ARL17B: variants seen among roughly 807,000 people sequenced by gnomAD.
ARL17B encodes the protein ADP-ribosylation factor-like protein 17.
chr17:46,277,659 T>TTC (rs879370291), intron 4 of ARL17B, among the ~76,000 whole-genome samples: 16,113 of 147,524 alleles, frequency 0.11, 5 homozygotes, highest in Non-Finnish European at 0.17. Context: ...CTTTCTTTTT[T>TTC]TTTTTTTGAG....
At chr17:46,275,698 A>G (rs1185177808) in intron 4 of ARL17B, among the ~76,000 whole-genome samples, 1 of 152,240 alleles carries the variant, frequency 6.6e-6, no homozygotes, top group African/African-American at 2.4e-5. Flanking sequence ...AGGCAACTGG[A>G]CAAATAGAGA....
intron 4 of ARL17B, among the ~76,000 whole-genome samples, chr17:46,278,079 G>A (rs528720009): frequency 7.9e-5 from 12 of 152,252 alleles, no homozygotes; most frequent in Non-Finnish European, 1.6e-4. Flanking sequence ...CAGAGTAGCT[G>A]GGACTTACAG....
At chr17:46,280,170 C>G (rs868049560) in intron 4 of ARL17B, among the ~76,000 whole-genome samples, 8 of 152,120 alleles carry the variant, frequency 5.3e-5, no homozygotes, top group African/African-American at 1.7e-4. Flanking sequence ...TTGAGACCAG[C>G]TTGGCCAACA....
downstream of ARL17B, chr17:46,330,614 G>T: frequency 8.5e-6 from 2 of 235,138 alleles, no homozygotes; most frequent in Non-Finnish European, 1.6e-5. Context: ...CACCAATGAC[G>T]AGAGTGATTT....
intron 3 of ARL17B, among the ~76,000 whole-genome samples, chr17:46,340,104 C>T (rs1378064112): frequency 1.0e-5 from 1 of 99,588 alleles, no homozygotes; most frequent in African/African-American, 3.3e-5. Context: ...GGAATGAAAG[C>T]TGAGCGGTCT....
intron 4 of ARL17B, among the ~76,000 whole-genome samples, chr17:46,276,790 C>CTTTTTTTT (rs75549659): frequency 6.3e-4 from 84 of 134,138 alleles, no homozygotes; most frequent in East Asian, 1.3e-3. Flanking sequence ...TTCTTTTTTT[C>CTTTTTTTT]TTTTTTTTTT....
At chr17:46,280,817 A>G (rs1225169242) in intron 4 of ARL17B, among the ~76,000 whole-genome samples, 2 of 152,184 alleles carry the variant, frequency 1.3e-5, no homozygotes, top group Non-Finnish European at 2.9e-5. Context: ...CAAATGTTCC[A>G]TCCGTCTTTG....
At chr17:46,318,895 C>CTAGA (rs1236560431) in intron 3 of ARL17B, among the ~76,000 whole-genome samples, 10 of 3,916 alleles carry the variant, frequency 2.6e-3, no homozygotes, top group African/African-American at 0.013. Flanking sequence ...GGCTTTAGCA[C>CTAGA]TAGACAGCTT....
rs557412553 is a variant in ARL17B at position 46,336,235 on chromosome 17, T to C, written c.*3265A>G. 6.0e-4 allele frequency among the ~76,000 whole-genome samples: 18 copies of C among 30,152 alleles called. 1 individual carries two copies. The highest frequency in any genetic ancestry group is 9.5e-4 in the African/African-American group (18 of 19,042). 19.8% of individuals were successfully genotyped at this position (30,152 alleles called of 152,430 possible). A position where few individuals can be genotyped will look rare whatever the true frequency, so the allele number is the denominator to read the frequency against. On this transcript the variant is annotated 3_prime_UTR_variant, in exon 4 of 4. Transcript: ENST00000450673. The stretch of plus-strand genomic sequence containing the variant: ...TCCTAGAACTGAGGAAACACTATTT[T>C]CTCATCTTACTGGTTTTTGGGCCCC...
At chr17:46,301,547 A>AT (rs2050358020) in intron 3 of ARL17B, among the ~76,000 whole-genome samples, 1 of 28,716 alleles carries the variant, frequency 3.5e-5, no homozygotes, top group African/African-American at 7.6e-5. Context: ...TGCTTTATTT[A>AT]TTTTTTCAGA....
intron 4 of ARL17B, among the ~76,000 whole-genome samples, chr17:46,291,969 C>CAAAAAAAAAAA (rs59554870): frequency 4.2e-3 from 246 of 58,020 alleles, no homozygotes; most frequent in Non-Finnish European, 5.9e-3. Context: ...TCTCAAAAAG[C>CAAAAAAAAAAA]AAAAAAAAAA....
intron 4 of ARL17B, among the ~76,000 whole-genome samples, chr17:46,277,622 A>ATTTCTTT (rs2049625218): frequency 3.0e-5 from 4 of 134,962 alleles, no homozygotes; most frequent in Non-Finnish European, 7.0e-5. Context: ...CTCTGGGTAG[A>ATTTCTTT]TTTCTTTTCT....
At chr17:46,333,088 G>A (rs866233756), downstream of ARL17B, among the ~76,000 whole-genome samples, 12 of 123,508 alleles carry the variant, frequency 9.7e-5, 1 homozygote, top group East Asian at 1.2e-3. Flanking sequence ...AAAGACATAC[G>A]TATTGTCTTG....
intron 4 of ARL17B, among the ~76,000 whole-genome samples, chr17:46,288,119 T>C (rs2049967039): frequency 6.6e-6 from 1 of 152,062 alleles, no homozygotes; most frequent in Non-Finnish European, 1.5e-5. Flanking sequence ...TGTGAAGGAA[T>C]AATACATGGC....
chr17:46,290,202 T>G (rs2050029167), intron 4 of ARL17B, among the ~76,000 whole-genome samples: 1 of 152,204 alleles, frequency 6.6e-6, no homozygotes, highest in Non-Finnish European at 1.5e-5. Flanking sequence ...CTATCATGGC[T>G]CACTGCAGGG....
chr17:46,350,457 C>T (rs1375278176), intron 3 of ARL17B, among the ~76,000 whole-genome samples: 1 of 77,006 alleles, frequency 1.3e-5, no homozygotes, highest in Non-Finnish European at 3.5e-5. Flanking sequence ...AATCAAGTCT[C>T]TAGAATAAAC....
intron 4 of ARL17B, among the ~76,000 whole-genome samples, chr17:46,277,653 C>CTTTCTT (rs143961379): frequency 7.3e-6 from 1 of 137,906 alleles, no homozygotes; most frequent in Non-Finnish European, 1.6e-5. Context: ...TTCTTTCTTT[C>CTTTCTT]TTTTTTTTTT....
chr17:46,289,939 T>C (rs1432763702), intron 4 of ARL17B, among the ~76,000 whole-genome samples: 3 of 152,172 alleles, frequency 2.0e-5, no homozygotes, highest in Admixed American at 6.5e-5. Context: ...GGCCACATGG[T>C]GAAACCCCAT....
At chr17:46,291,941 A>G (rs1294423077) in intron 4 of ARL17B, among the ~76,000 whole-genome samples, 2 of 147,792 alleles carry the variant, frequency 1.4e-5, no homozygotes, top group Non-Finnish European at 1.5e-5. Context: ...AGCCTAGGAA[A>G]AAGAATAAGG....
Sources: gnomAD v4.1 joint callset for allele counts (sites outside exome capture counted in the v4.1 genomes callset) on GRCh38, gnomAD v4.1.1 for gene constraint, MANE v1.5 for transcripts, NCBI Gene and HGNC (gene_info 2026-07-23, HGNC 2026-07-21) for gene names.